Variants in PHKA2 observed in about 807,000 individuals in gnomAD.
The protein encoded by PHKA2 is phosphorylase b kinase regulatory subunit alpha, liver isoform.
In PHKA2, 31 loss-of-function variants were observed where a neutral mutation model predicts 102.0. The ratio of observed to expected loss-of-function variants is 0.30; its 90% CI spans 0.23 to 0.41. The LOEUF is 0.41. Ranked by LOEUF, PHKA2 falls within the 10% of genes least tolerant of loss-of-function variation. The pLI, the probability that PHKA2 is intolerant of heterozygous loss-of-function variation, is 1.00. For missense variants in PHKA2, 858 were observed against 1,023.1 expected (o/e 0.84, Z 2.20); for synonymous variants, 455 against 416.2 (o/e 1.09, Z -1.13).
rs191267737 is a variant in PHKA2 at position 18,926,515 on chromosome X, G to A, written c.1397C>T (p.Ala466Val). 7.5e-6 allele frequency: 9 copies of A among 1,193,199 alleles called. No homozygotes were observed. In the East Asian group the frequency reaches 1.5e-4, roughly 20 times the overall value. The change falls in exon 14 of 33, where the codon GCG becomes GTG. Residue 466 changes from alanine to valine, a missense_variant. Coordinates refer to ENST00000379942, the MANE Select transcript of PHKA2 (RefSeq NM_000292.3). ...RKHGVNVQSI[A>V]DIHPIQVQPG... The stretch of plus-strand genomic sequence containing the variant: ...CTGGACTTGAATTGGATGAATGTCC[G>A]CGATACTCTGGACGTTCACCCCGTG...
At chrX:18,898,384 C>A (rs1030892813) in intron 29 of PHKA2, among the ~76,000 whole-genome samples, 1 of 113,026 alleles carries the variant, frequency 8.8e-6, no homozygotes, top group Non-Finnish European at 1.9e-5. Context: ...TCTTGCCCTG[C>A]GGGGCTTCTA....
intron 19 of PHKA2, among the ~76,000 whole-genome samples, chrX:18,912,155 T>C (rs775299042): frequency 8.9e-6 from 1 of 112,664 alleles, no homozygotes; most frequent in Non-Finnish European, 1.9e-5. Context: ...CAGGTTATAT[T>C]TGTGAATTGA....
intron 1 of PHKA2, among the ~76,000 whole-genome samples, chrX:18,966,092 G>GTTTTTTTTTTT (rs754155093): frequency 1.2e-5 from 1 of 86,014 alleles, no homozygotes; most frequent in Non-Finnish European, 2.3e-5. Context: ...TTTTTTTTTT[G>GTTTTTTTTTTT]TTTTTTTTTT....
At chrX:18,940,971 C>G (rs996385764) in intron 8 of PHKA2, among the ~76,000 whole-genome samples, 1 of 112,331 alleles carries the variant, frequency 8.9e-6, no homozygotes, top group African/African-American at 3.2e-5. Flanking sequence ...GGGACAAAAG[C>G]ATTTTTCATG....
chrX:18,896,769 G>A (rs1387562674), intron 30 of PHKA2: 2 of 245,508 alleles, frequency 8.1e-6, no homozygotes, highest in South Asian at 4.8e-5. Context: ...GCCTTTCCCT[G>A]TTCTTCTATG....
chrX:18,902,477 C>G (rs1166403714), intron 26 of PHKA2, among the ~76,000 whole-genome samples: 2 of 108,794 alleles, frequency 1.8e-5, no homozygotes, highest in East Asian at 6.1e-4. Flanking sequence ...ATAAAACATA[C>G]CCGGCCAGGC....
chrX:18,979,355 T>A (rs2049138674), intron 1 of PHKA2, among the ~76,000 whole-genome samples: 1 of 112,115 alleles, frequency 8.9e-6, no homozygotes, highest in African/African-American at 3.2e-5. Flanking sequence ...GTATTTACTG[T>A]CCCAGTCTCT....
chrX:18,919,728 C>CAA (rs56042937), intron 18 of PHKA2, among the ~76,000 whole-genome samples: 327 of 27,518 alleles, frequency 0.012, 6 homozygotes, highest in African/African-American at 0.033. Context: ...CAAACAACAA[C>CAA]AAAAAAAAAA....
At chrX:18,976,044 G>A (rs1027801169) in intron 1 of PHKA2, among the ~76,000 whole-genome samples, 2 of 96,387 alleles carry the variant, frequency 2.1e-5, no homozygotes, top group African/African-American at 3.9e-5. Context: ...GCACGATCTC[G>A]GCTCACTGCA....
At chrX:18,917,450 C>T (rs963808134) in intron 19 of PHKA2, among the ~76,000 whole-genome samples, 4 of 108,757 alleles carry the variant, frequency 3.7e-5, no homozygotes, top group African/African-American at 1.0e-4. Flanking sequence ...GTACAGACAG[C>T]GTTTCACCAT....
chrX:18,899,300 G>C lies in PHKA2; in HGVS notation c.3058-74C>G, dbSNP rs2047633273. 41 of 877,473 alleles carry C rather than the reference G, an allele frequency of 4.7e-5. 1 individual carries two copies. In the South Asian group the frequency reaches 7.8e-4, roughly 17 times the overall value. The allele number at this position is 877,473 out of a possible 1,213,427, so 72.3% of individuals were successfully genotyped here. A position where few individuals can be genotyped will look rare whatever the true frequency, so the allele number is the denominator to read the frequency against. ...ACACAGCAGAGAGGAGGGTCATGGA[G>C]CAGCATCCGAAACACCCACAGAAAG... On this transcript the variant is annotated intron_variant, in intron 28 of 32. Transcript: ENST00000379942.
chrX:18,905,441 C>T (rs889169320), intron 26 of PHKA2, among the ~76,000 whole-genome samples: 5 of 111,879 alleles, frequency 4.5e-5, no homozygotes, highest in Non-Finnish European at 7.5e-5. Context: ...TCCCAAAGTG[C>T]TGGGATTACA....
intron 5 of PHKA2, 51 bp downstream of exon 5, chrX:18,948,693 T>C (rs766106697): frequency 2.3e-6 from 2 of 858,645 alleles, no homozygotes; most frequent in Admixed American, 4.5e-5. Flanking sequence ...ATGATTTTTA[T>C]TCTTTTTGTT....
At chrX:18,930,476 T>C (rs745572627) in intron 12 of PHKA2, among the ~76,000 whole-genome samples, 1 of 110,706 alleles carries the variant, frequency 9.0e-6, no homozygotes, top group Non-Finnish European at 1.9e-5. Flanking sequence ...AGAAAGCCTT[T>C]ACATCAGAGA....
At position 18,941,568 on chromosome X, in the gene PHKA2, A is replaced by T. The variant is rs1248967731; in HGVS notation, c.825T>A (p.Leu275=). 1 of 1,205,202 alleles carries T rather than the reference A, an allele frequency of 8.3e-7. No individual in the cohort carries two copies. Among genetic ancestry groups the T allele is most frequent in the Admixed American group, 2.2e-5 (1 of 46,081 alleles). The change falls in exon 8 of 33, where the codon CTT becomes CTA. Residue 275 remains leucine (L), a synonymous_variant. Transcript: ENST00000379942. ...TAATTTCATTTTTGGTCACATTTAC[A>T]AGGTTTACATCTTCCACTGCAAAGG... ...FPAFAVEDVN[L]VNVTKNEIIS...
chrX:18,951,401 C>T (rs2048684331), intron 3 of PHKA2, 129 bp from the exon 4 acceptor site: 1 of 673,125 alleles, frequency 1.5e-6, no homozygotes, highest in East Asian at 3.3e-5. Context: ...GGATGGAAGG[C>T]AGCTGCTAGG....
rs2049140112 is a variant in PHKA2, at chrX:18,979,464, T to C, written c.78+4391A>G. On this transcript the variant is annotated intron_variant, in intron 1 of 32. Transcript: ENST00000379942. ...GATCCATATTCTCATCACCATTTCA[T>C]ACTTAATACTTTTATTAAGGAGCCT... 1.8e-5 allele frequency among the ~76,000 whole-genome samples: 2 copies of C among 112,024 alleles called. 1 individual carries two copies. Among genetic ancestry groups the C allele is most frequent in the South Asian group, 7.3e-4 (2 of 2,723 alleles).
chrX:18,922,084 T>TA (rs775063967), intron 17 of PHKA2, among the ~76,000 whole-genome samples: 2 of 111,183 alleles, frequency 1.8e-5, no homozygotes, highest in South Asian at 7.6e-4. Flanking sequence ...CCGTCTCTAC[T>TA]AAAAATACAA....
Position 18,938,877 on chromosome X carries a change from A to G in PHKA2, c.919-128T>C. The G allele has an allele frequency of 6.7e-6, 4 of 596,234 alleles. No homozygotes were observed. The South Asian group carries it at 1.0e-4, about 16-fold the overall frequency. The allele number at this position is 596,234 out of a possible 1,213,427, so 49.1% of individuals were successfully genotyped here. ...TTGAAGTTGGCATGAGTAGGATTTT[A>G]CTATAATGAGATGCTGTTTTTGGCA... On this transcript the variant is annotated intron_variant, in intron 9 of 32. Transcript: ENST00000379942.
Sources: allele counts gnomAD v4.1 joint callset (sites outside exome capture counted in the v4.1 genomes callset), GRCh38; gene constraint gnomAD v4.1.1; transcripts MANE v1.5; gene names NCBI Gene and HGNC (gene_info 2026-07-23, HGNC 2026-07-21).